PALS2: variants seen among roughly 807,000 people sequenced by gnomAD.
PALS2 encodes protein associated with LIN7 2, MAGUK p55 family member.
PALS2 carries 27 observed loss-of-function variants against 61.6 expected under a neutral mutation model. That is an observed-to-expected ratio of 0.44 (90% CI 0.32 to 0.60). The LOEUF is 0.60. Ranked by LOEUF, PALS2 falls within the 20% of genes least tolerant of loss-of-function variation. PALS2 has a pLI of 0.05. For synonymous variants in PALS2, 236 were observed against 218.6 expected (o/e 1.08, Z -0.70); for missense variants, 554 against 639.4 (o/e 0.87, Z 1.44).
chr7:24,657,491 A>G (rs1293933891), intron 5 of PALS2, among the ~76,000 whole-genome samples: 1 of 152,058 alleles, frequency 6.6e-6, no homozygotes, highest in Non-Finnish European at 1.5e-5. Context: ...TTATGTGTTT[A>G]TTTGCCATAC....
chr7:24,618,807 C>G lies in PALS2; in HGVS notation c.-2-4859C>G, dbSNP rs1310702324. Among the ~76,000 whole-genome samples the G allele has an allele frequency of 6.6e-6, 1 of 152,218 alleles. No individual in the cohort carries two copies. The highest frequency in any genetic ancestry group is 6.5e-5 in the Admixed American group (1 of 15,286). On this transcript the variant is annotated intron_variant, in intron 1 of 11. Transcript: ENST00000222644. This position sits in a 1 kb window ranked among gnomAD's most constrained non-coding sequence, Gnocchi z 5.1. ...GTGGGCTCCCAGTCATCACAGGTAC[C>G]TCTCCACTTCCCTGCTGTACTTCGG...
rs992311248 is a variant in PALS2, at chr7:24,642,666, C to T, written c.270+798C>T. 4.6e-5 allele frequency among the ~76,000 whole-genome samples: 7 copies of T among 152,238 alleles called. No individual in the cohort carries two copies. The South Asian group carries it at 1.2e-3, about 27-fold the overall frequency. On this transcript the variant is annotated intron_variant, in intron 3 of 11. Coordinates refer to ENST00000222644, the MANE Select transcript of PALS2 (RefSeq NM_001303037.2). Reference sequence around the variant, plus strand: ...AAAATCAAATGGTAACAGCCTTTTGCTCTTTCTCAGCCAAAGATTTTATGT... The same window carrying T: ...AAAATCAAATGGTAACAGCCTTTTGTTCTTTCTCAGCCAAAGATTTTATGT...
chr7:24,591,299 GAGGGAC>G (rs1641287199), intron 1 of PALS2, among the ~76,000 whole-genome samples: 1 of 152,124 alleles, frequency 6.6e-6, no homozygotes, highest in African/African-American at 2.4e-5. Flanking sequence ...GGCTGTAAAA[GAGGGAC>G]AGGGTCAGGA....
intron 5 of PALS2, among the ~76,000 whole-genome samples, chr7:24,661,454 G>A (rs1020845006): frequency 1.3e-5 from 2 of 152,080 alleles, no homozygotes; most frequent in African/African-American, 2.4e-5. Flanking sequence ...TTTGAAATTT[G>A]GACTATCTTG....
chr7:24,657,958 A>G (rs1404437037), intron 5 of PALS2, among the ~76,000 whole-genome samples: 13 of 152,090 alleles, frequency 8.5e-5, no homozygotes, highest in Admixed American at 5.9e-4. Flanking sequence ...TGAAAAGACT[A>G]TTTCTTTCAT....
chr7:24,604,369 T>C (rs1004294849), intron 1 of PALS2, among the ~76,000 whole-genome samples: 1 of 152,040 alleles, frequency 6.6e-6, no homozygotes, highest in Non-Finnish European at 1.5e-5. Flanking sequence ...AAATGAAAAT[T>C]TCATTGGATA....
intron 1 of PALS2, among the ~76,000 whole-genome samples, chr7:24,615,786 C>T (rs1387433659): frequency 6.6e-6 from 1 of 151,968 alleles, no homozygotes; most frequent in Non-Finnish European, 1.5e-5. Flanking sequence ...AATATCCCTA[C>T]TGAACATAAA....
At chr7:24,661,995 A>G (rs1478819510) in intron 5 of PALS2, among the ~76,000 whole-genome samples, 4 of 152,188 alleles carry the variant, frequency 2.6e-5, no homozygotes, top group African/African-American at 9.6e-5. Flanking sequence ...TTGTCAAAAC[A>G]TGGAGCTGCA....
In PALS2 at chr7:24,638,577, C is replaced by T. The variant is rs1485361275; in HGVS notation, c.118-3139C>T. ...CGATCTCCTGACCTCGTGATCCGCC[C>T]GCCTCGGCCTCCCAAAGTGCTGGGA... On this transcript the variant is annotated intron_variant, in intron 2 of 11. Coordinates refer to ENST00000222644, the MANE Select transcript of PALS2 (RefSeq NM_001303037.2). Among the ~76,000 whole-genome samples the T allele has an allele frequency of 9.0e-5, 12 of 133,972 alleles. 1 individual carries two copies. Among genetic ancestry groups the T allele is most frequent in the Non-Finnish European group, 1.8e-4 (12 of 65,234 alleles). The allele number at this position is 133,972 out of a possible 152,430, so 87.9% of individuals were successfully genotyped here. A position where few individuals can be genotyped will look rare whatever the true frequency, so the allele number is the denominator to read the frequency against.
intron 2 of PALS2, among the ~76,000 whole-genome samples, chr7:24,640,638 A>C (rs1390967741): frequency 6.6e-6 from 1 of 152,232 alleles, no homozygotes; most frequent in Non-Finnish European, 1.5e-5. Flanking sequence ...AGGAATGCTT[A>C]AAAGTTGGAG....
intron 6 of PALS2, among the ~76,000 whole-genome samples, chr7:24,664,298 CAGA>C (rs1319266994): frequency 6.6e-6 from 1 of 152,000 alleles, no homozygotes; most frequent in African/African-American, 2.4e-5. Flanking sequence ...CTCCTTTTTT[CAGA>C]AGATCTGTTT....
intron 2 of PALS2, among the ~76,000 whole-genome samples, chr7:24,624,605 CTTTT>C (rs368160704): frequency 3.5e-5 from 3 of 86,398 alleles, no homozygotes; most frequent in Non-Finnish European, 2.0e-5. Context: ...GCAGATTCTT[CTTTT>C]TTTTTTTTTT....
intron 1 of PALS2, among the ~76,000 whole-genome samples, chr7:24,579,536 G>A (rs944988293): frequency 6.6e-6 from 1 of 152,060 alleles, no homozygotes; most frequent in Non-Finnish European, 1.5e-5. Flanking sequence ...CTTTTGAGTG[G>A]TATTTAGTTA....
rs1339893776 is a variant in PALS2, at chr7:24,691,175, A to G, written c.*3561A>G. The G allele has an allele frequency of 1.3e-5, 2 of 151,882 alleles. No homozygotes were observed. The highest frequency in any genetic ancestry group is 4.8e-5 in the African/African-American group (2 of 41,430). The allele number at this position is 151,882 out of a possible 1,614,324, so 9.4% of individuals were successfully genotyped here. ...ATTATTTTGAATTGGCAAACTAAAG[A>G]TAACAATTTTGAAAATTGCTCAAAA... On this transcript the variant is annotated 3_prime_UTR_variant, in exon 12 of 12. Transcript: ENST00000222644.
At chr7:24,579,998 G>A (rs1227402615) in intron 1 of PALS2, among the ~76,000 whole-genome samples, 1 of 152,090 alleles carries the variant, frequency 6.6e-6, no homozygotes, top group Non-Finnish European at 1.5e-5. Flanking sequence ...AAATGTATGA[G>A]AAAGTGTGGG....
chr7:24,592,531 T>A (rs1783327927), intron 1 of PALS2, among the ~76,000 whole-genome samples: 1 of 152,020 alleles, frequency 6.6e-6, no homozygotes, highest in Non-Finnish European at 1.5e-5. Context: ...AACATGGTCA[T>A]ATTTGTATTT....
intron 2 of PALS2, among the ~76,000 whole-genome samples, chr7:24,631,862 C>G (rs1785009747): frequency 6.6e-6 from 1 of 152,140 alleles, no homozygotes; most frequent in Non-Finnish European, 1.5e-5. Flanking sequence ...TGTATATTGT[C>G]TTTTAGACAT....
chr7:24,617,925 G>A (rs954590390), intron 1 of PALS2, among the ~76,000 whole-genome samples: 8 of 152,182 alleles, frequency 5.3e-5, no homozygotes, highest in African/African-American at 1.9e-4. Context: ...GCAGCCACTC[G>A]GCCAGTCTAG....
chr7:24,595,769 C>T (rs375217415), intron 1 of PALS2, among the ~76,000 whole-genome samples: 4 of 150,360 alleles, frequency 2.7e-5, no homozygotes, highest in Non-Finnish European at 4.4e-5. Context: ...AGGGTGGTAG[C>T]GTAGTTTAGA....
Sources: gnomAD v4.1 joint callset for allele counts (sites outside exome capture counted in the v4.1 genomes callset) on GRCh38, gnomAD v4.1.1 for gene constraint, Gnocchi (gnomAD v3.1) non-coding constraint, MANE v1.5 for transcripts, NCBI Gene and HGNC (gene_info 2026-07-23, HGNC 2026-07-21) for gene names.